Variants in TAOK1 observed in about 807,000 individuals in gnomAD.
TAOK1 encodes TAO kinase 1, also known as serine/threonine-protein kinase TAO1.
A neutral mutation model predicts 138.3 loss-of-function variants in TAOK1; 21 were observed. The observed-to-expected ratio is 0.15, with a 90% CI of 0.11 to 0.22. TAOK1 has a LOEUF of 0.22. Ranked by LOEUF, TAOK1 falls within the 10% of genes least tolerant of loss-of-function variation. The pLI, the probability that TAOK1 is intolerant of heterozygous loss-of-function variation, is 1.00. For missense variants in TAOK1, 651 were observed against 1,227.7 expected, an observed-to-expected ratio of 0.53 and a Z score of 7.02; for synonymous variants, 361 against 398.4, an observed-to-expected ratio of 0.91 and a Z score of 1.12.
intron 1 of TAOK1, among the ~76,000 whole-genome samples, chr17:29,448,934 G>T (rs1042339440): frequency 6.6e-5 from 10 of 152,084 alleles, no homozygotes; most frequent in Non-Finnish European, 1.2e-4. Context: ...AGGATGCTTT[G>T]GGGGCATAAA....
chr17:29,414,591 C>G (rs563032780), intron 1 of TAOK1, among the ~76,000 whole-genome samples: 36 of 151,342 alleles, frequency 2.4e-4, no homozygotes, highest in African/African-American at 8.5e-4. Flanking sequence ...GAGTCTCACT[C>G]TGTCACCGAG....
At chr17:29,507,523 A>C (rs1212427919) in intron 13 of TAOK1, among the ~76,000 whole-genome samples, 1 of 152,170 alleles carries the variant, frequency 6.6e-6, no homozygotes, top group African/African-American at 2.4e-5. Context: ...CCTCTGAATT[A>C]ACTTGACTTT....
At position 29,543,983 on chromosome 17, in the gene TAOK1, T is replaced by A. The variant is rs2032362123; in HGVS notation, c.*961T>A. ...TTGTTGCTTATACTGTGATATCTCA[T>A]CCTAGCTAAGCTCTATAATGCCCAA... On this transcript the variant is annotated 3_prime_UTR_variant, in exon 20 of 20. Transcript: ENST00000261716. The A allele has an allele frequency of 6.6e-6, 1 of 152,400 alleles. No homozygotes were observed. The highest frequency in any genetic ancestry group is 6.6e-5 in the Admixed American group (1 of 15,260). The allele number at this position is 152,400 out of a possible 1,614,324, so 9.4% of individuals were successfully genotyped here. A position where few individuals can be genotyped will look rare whatever the true frequency, so the allele number is the denominator to read the frequency against.
At chr17:29,408,458 C>T (rs923590780) in intron 1 of TAOK1, among the ~76,000 whole-genome samples, 7 of 151,970 alleles carry the variant, frequency 4.6e-5, no homozygotes, top group Non-Finnish European at 7.4e-5. Flanking sequence ...TCGAGTGATC[C>T]GCTTGCTTTG....
chr17:29,494,240 TA>T (rs1286108790), intron 10 of TAOK1, among the ~76,000 whole-genome samples: 1 of 151,946 alleles, frequency 6.6e-6, no homozygotes, highest in African/African-American at 2.4e-5. Context: ...GAAAATTGAA[TA>T]AAATAGTGTA....
chr17:29,468,389 G>A (rs561137649), intron 3 of TAOK1, among the ~76,000 whole-genome samples: 32 of 151,666 alleles, frequency 2.1e-4, no homozygotes, highest in African/African-American at 7.0e-4. Flanking sequence ...TGCCTGCCTC[G>A]GCCTCCCAAA....
intron 7 of TAOK1, among the ~76,000 whole-genome samples, chr17:29,481,555 A>G (rs1054563625): frequency 6.6e-6 from 1 of 152,186 alleles, no homozygotes; most frequent in African/African-American, 2.4e-5. Context: ...CCTAAAGTAT[A>G]TGAAATATTA....
intron 17 of TAOK1, among the ~76,000 whole-genome samples, chr17:29,528,554 T>C (rs2032049950): frequency 6.6e-6 from 1 of 151,618 alleles, no homozygotes; most frequent in African/African-American, 2.4e-5. Context: ...GAAAAGAAAT[T>C]GGGGGCAAGG....
At chr17:29,397,619 T>A (rs1267759875) in intron 1 of TAOK1, among the ~76,000 whole-genome samples, 2,201 of 70,186 alleles carry the variant, frequency 0.031, 233 homozygotes, top group African/African-American at 0.1. Context: ...AAAAAATATA[T>A]ATATATATAT....
rs2031550233 is a variant in TAOK1 at position 29,502,605 on chromosome 17, G to A, written c.1220G>A (p.Arg407Lys). 1.2e-6 allele frequency: 2 copies of A among 1,607,600 alleles called. No homozygotes were observed. Among genetic ancestry groups the A allele is most frequent in the East Asian group, 4.5e-5 (2 of 44,782 alleles). ...IHLKPEEENY[R>K]EEGDPRTRAS... is the part of the protein sequence containing the mutation. ...TTTTCCTAGGAGGAAGAAAATTACAGAGAAGAGGGAGATCCTAGAACAAGA... is the reference window on the plus strand; with the variant it reads ...TTTTCCTAGGAGGAAGAAAATTACAAAGAAGAGGGAGATCCTAGAACAAGA... The change falls in exon 13 of 20, where the codon AGA (arginine) becomes AAA (lysine). Residue 407 changes from arginine to lysine, a missense_variant. Arg to Lys is a conservative substitution (Grantham distance 26, BLOSUM62 2). This residue lies in a region of TAOK1 where 104 missense variants were observed against 151.7 expected (regional missense o/e 0.69). Transcript: ENST00000261716.
rs150446747 is a variant in TAOK1, at chr17:29,517,547, A to C, written c.1799A>C (p.Glu600Ala). The part of the protein sequence containing the change: ...ENIQHFQAEE[E>A]ANLLRRQRQY... ...ATACAGCATTTCCAAGCAGAAGAAG[A>C]AGCTAACCTTCTTCGACGTCAAAGA... is the stretch of plus-strand genomic sequence containing the variant. Residue 600 changes from glutamate (E) to alanine (A), a missense_variant, in exon 16 of 20, where the codon GAA becomes GCA. Glu to Ala is a moderately radical substitution (Grantham distance 107). This residue lies in a region of TAOK1 where 258 missense variants were observed against 548.9 expected (regional missense o/e 0.47). Coordinates refer to ENST00000261716, the MANE Select transcript of TAOK1 (RefSeq NM_020791.4). The C allele has an allele frequency of 2.7e-5, 43 of 1,613,948 alleles. No homozygotes were observed. Among genetic ancestry groups the C allele is most frequent in the African/African-American group, 1.1e-4 (8 of 74,896 alleles).
Position 29,544,257 on chromosome 17 carries a change from A to AGC in TAOK1, c.*1236_*1237dup, listed in dbSNP as rs2032366540. 5.2e-5 allele frequency: 8 copies of AGC among 152,674 alleles called. No individual in the cohort carries two copies. In the South Asian group the frequency reaches 1.4e-3, roughly 28 times the overall value. 9.5% of individuals were successfully genotyped at this position (152,674 alleles called of 1,614,324 possible). On this transcript the variant is annotated 3_prime_UTR_variant, in exon 20 of 20. Coordinates refer to ENST00000261716, the MANE Select transcript of TAOK1 (RefSeq NM_020791.4). ...GAGTCACTGAGCCAATGACTTTACC[A>AGC]GCTGCTGACTAATCTTCATCACCAC...
Position 29,542,777 on chromosome 17 carries a change from C to T in TAOK1, c.2761C>T (p.His921Tyr), listed in dbSNP as rs1190858351. ...SHNPTGGPGP[H>Y]WGHPMGGPPQ... ...CAACCCTACTGGGGGTCCAGGACCT[C>T]ACTGGGGTCATCCCATGGGTGGCCC... The change falls in exon 20 of 20, where the codon CAC becomes TAC. Residue 921 changes from histidine (H) to tyrosine (Y), a missense_variant. Physicochemically the swap from His to Tyr is moderately conservative, Grantham distance 83 (BLOSUM62 2). Transcript: ENST00000261716. 3.1e-6 allele frequency: 5 copies of T among 1,614,202 alleles called. No individual in the cohort carries two copies. The highest frequency in any genetic ancestry group is 4.2e-6 in the Non-Finnish European group (5 of 1,180,024).
intron 19 of TAOK1, among the ~76,000 whole-genome samples, chr17:29,539,301 A>G (rs1480678367): frequency 4.6e-5 from 7 of 152,086 alleles, no homozygotes; most frequent in African/African-American, 9.7e-5. Flanking sequence ...TAGGAAACAA[A>G]AAATTGCAGA....
At position 29,469,234 on chromosome 17, in the gene TAOK1, CA is replaced by C. The variant is rs562508526; in HGVS notation, c.204+2024del. 2.8e-3 allele frequency among the ~76,000 whole-genome samples: 391 copies of C among 137,802 alleles called. 4 individuals are homozygous for C. Among genetic ancestry groups the C allele is most frequent in the African/African-American group, 9.5e-3 (352 of 37,000 alleles). 90.4% of individuals were successfully genotyped at this position (137,802 alleles called of 152,430 possible). ...CCCCCCTCCCCCGCCCCATCTCAGT[CA>C]AAAAATAAAATATTTATAAATGAAA... On this transcript the variant is annotated intron_variant, in intron 3 of 19. Coordinates refer to ENST00000261716, the MANE Select transcript of TAOK1 (RefSeq NM_020791.4).
chr17:29,426,725 G>C (rs903107352), intron 1 of TAOK1, among the ~76,000 whole-genome samples: 1 of 152,162 alleles, frequency 6.6e-6, no homozygotes, highest in African/African-American at 2.4e-5. Context: ...TGTGGGACCA[G>C]CTGTTGGTAC....
chr17:29,519,547 AT>A (rs1223315013), intron 16 of TAOK1, among the ~76,000 whole-genome samples: 2 of 152,070 alleles, frequency 1.3e-5, no homozygotes, highest in Non-Finnish European at 2.9e-5. Flanking sequence ...AAAGAAAAAA[AT>A]TATTCTCATT....
At position 29,517,813 on chromosome 17, in the gene TAOK1, A is replaced by G. The variant is rs79857643; in HGVS notation, c.1908+157A>G. ...TTCACATGGATTGTTTGCTCCCTGT[A>G]TATCTTTACTCAGATGTCATTTCCT... is the stretch of plus-strand genomic sequence containing the variant. On this transcript the variant is annotated intron_variant, in intron 16 of 19. Coordinates refer to ENST00000261716, the MANE Select transcript of TAOK1 (RefSeq NM_020791.4). Among the ~76,000 whole-genome samples, 37 of 152,210 alleles carry G rather than the reference A, an allele frequency of 2.4e-4. No individual in the cohort carries two copies. In the East Asian group the frequency reaches 5.2e-3, roughly 21 times the overall value.
At chr17:29,514,997 TAAAAAAAAAAAAAA>T (rs33933134) in intron 15 of TAOK1, 1 of 101,984 alleles carries the variant, frequency 9.8e-6, no homozygotes, top group African/African-American at 3.8e-5. Flanking sequence ...AAATTCGATC[TAAAAAAAAAAAAAA>T]AAAAAAAAAA....
Sources: gnomAD v4.1 joint callset for allele counts (sites outside exome capture counted in the v4.1 genomes callset) on GRCh38, gnomAD v4.1.1 for gene constraint, gnomAD v4.1.1 regional missense constraint, MANE v1.5 for transcripts, NCBI Gene and HGNC (gene_info 2026-07-23, HGNC 2026-07-21) for gene names.